LINGO2: variants seen among roughly 807,000 people sequenced by gnomAD.
LINGO2 encodes the protein leucine rich repeat and Ig domain containing 2, also known as leucine-rich repeat and immunoglobulin-like domain-containing nogo receptor-interacting protein 2.
LINGO2 carries 14 observed loss-of-function variants against 30.6 expected under a neutral mutation model. The observed-to-expected ratio is 0.46, with a 90% CI of 0.30 to 0.72. LINGO2 has a LOEUF of 0.72. Among genes scored for constraint, LINGO2 ranks in the 30% least tolerant of loss-of-function variants. LINGO2 has a pLI of 0.07. For missense variants in LINGO2, 729 were observed against 751.7 expected, an observed-to-expected ratio of 0.97 and a Z score of 0.35; for synonymous variants, 317 against 288.5, an observed-to-expected ratio of 1.10 and a Z score of -1.00.
At chr9:28,401,719 C>T (rs1329244408) in intron 2 of LINGO2, among the ~76,000 whole-genome samples, 1 of 152,118 alleles carries the variant, frequency 6.6e-6, no homozygotes, top group Non-Finnish European at 1.5e-5. Flanking sequence ...ATACTGTCTT[C>T]CACAATGGTT....
the LINGO2 span, among the ~76,000 whole-genome samples, chr9:29,077,236 T>G: frequency 6.6e-6 from 1 of 151,512 alleles, no homozygotes; most frequent in Non-Finnish European, 1.5e-5. Flanking sequence ...TAAATTGACT[T>G]CATGATTACA....
the LINGO2 span, among the ~76,000 whole-genome samples, chr9:28,850,203 G>A: frequency 9.9e-5 from 15 of 152,078 alleles, no homozygotes; most frequent in South Asian, 6.2e-4. Context: ...ACAGTAGTAA[G>A]CCAGGCAGAA....
the LINGO2 span, among the ~76,000 whole-genome samples, chr9:29,199,079 G>A: frequency 5.3e-5 from 8 of 152,068 alleles, no homozygotes; most frequent in Non-Finnish European, 1.0e-4. Context: ...GGGCCTGTGG[G>A]AGGCAGAAGC....
At chr9:28,847,115 T>G in the LINGO2 span, among the ~76,000 whole-genome samples, 1 of 145,356 alleles carries the variant, frequency 6.9e-6, no homozygotes, top group Non-Finnish European at 1.5e-5. Flanking sequence ...TATAATTCTC[T>G]CAATCAGAGG....
At chr9:28,436,152 T>C (rs571001143) in intron 2 of LINGO2, among the ~76,000 whole-genome samples, 1 of 152,284 alleles carries the variant, frequency 6.6e-6, no homozygotes, top group East Asian at 1.9e-4. Flanking sequence ...CAACCTGTAA[T>C]TGCAAGGACT....
the LINGO2 span, among the ~76,000 whole-genome samples, chr9:28,713,372 GCTGA>G: frequency 1.3e-5 from 2 of 152,106 alleles, no homozygotes; most frequent in Non-Finnish European, 2.9e-5. Context: ...TAGTCATGAA[GCTGA>G]CTGTCTCTTC....
At chr9:28,648,713 T>C (rs909137056) in intron 1 of LINGO2, among the ~76,000 whole-genome samples, 1 of 152,128 alleles carries the variant, frequency 6.6e-6, no homozygotes, top group South Asian at 2.1e-4. Flanking sequence ...GTACTCTTAG[T>C]CTAATGCTAT....
At chr9:28,446,455 T>C (rs1824428147) in intron 2 of LINGO2, among the ~76,000 whole-genome samples, 1 of 152,232 alleles carries the variant, frequency 6.6e-6, no homozygotes, top group Non-Finnish European at 1.5e-5. Context: ...TATTAGCTAT[T>C]TGTCCTTGGG....
chr9:28,729,391 T>C, the LINGO2 span, among the ~76,000 whole-genome samples: 1 of 151,824 alleles, frequency 6.6e-6, no homozygotes, highest in African/African-American at 2.4e-5. Context: ...TTTTCTTACA[T>C]GAAAGATAGA....
At chr9:28,739,052 TA>T in the LINGO2 span, among the ~76,000 whole-genome samples, 1 of 151,964 alleles carries the variant, frequency 6.6e-6, no homozygotes, top group Non-Finnish European at 1.5e-5. Context: ...ATGGTGGTTT[TA>T]AAAAATGATG....
At chr9:28,295,403 A>C (rs918871941) in intron 3 of LINGO2, 37 bp from the exon 6 acceptor site, 100 of 152,720 alleles carry the variant, frequency 6.5e-4, no homozygotes, top group African/African-American at 2.4e-3. Context: ...TTTAATTGAA[A>C]AATAGTGAAC....
chr9:28,495,436 G>T (rs1819573416), intron 1 of LINGO2, among the ~76,000 whole-genome samples: 1 of 152,100 alleles, frequency 6.6e-6, no homozygotes, highest in Non-Finnish European at 1.5e-5. Context: ...TCTACATATG[G>T]CTAGCCAGTT....
chr9:28,368,256 T>G (rs1042244342), intron 3 of LINGO2, among the ~76,000 whole-genome samples: 2 of 152,196 alleles, frequency 1.3e-5, no homozygotes, highest in Non-Finnish European at 2.9e-5. Flanking sequence ...CTTCTGTTTA[T>G]TGCAGAACCT....
At chr9:29,019,753 A>C in the LINGO2 span, among the ~76,000 whole-genome samples, 1 of 152,112 alleles carries the variant, frequency 6.6e-6, no homozygotes, top group Non-Finnish European at 1.5e-5. Context: ...TCTGGAATAC[A>C]AGAAAATATT....
upstream of LINGO2, among the ~76,000 whole-genome samples, chr9:28,670,766 G>A (rs1308182804): frequency 3.9e-5 from 6 of 151,994 alleles, no homozygotes; most frequent in Non-Finnish European, 8.8e-5. Flanking sequence ...GGAAATGATG[G>A]TTATCCATCT....
the LINGO2 span, among the ~76,000 whole-genome samples, chr9:29,085,498 G>T: frequency 6.6e-6 from 1 of 151,496 alleles, no homozygotes; most frequent in African/African-American, 2.4e-5. Context: ...CCAATTATTC[G>T]AAAAGAAAAA....
chr9:28,441,150 G>T (rs929837925), intron 2 of LINGO2, among the ~76,000 whole-genome samples: 2 of 150,074 alleles, frequency 1.3e-5, no homozygotes, highest in Non-Finnish European at 3.0e-5. Flanking sequence ...ACCAGTTGCT[G>T]AGGCACCTTG....
chr9:28,921,434 G>A, the LINGO2 span, among the ~76,000 whole-genome samples: 1 of 152,148 alleles, frequency 6.6e-6, no homozygotes, highest in African/African-American at 2.4e-5. Context: ...ACTGAGACAG[G>A]TAGGTCATCC....
the LINGO2 span, chr9:28,888,888 T>A: frequency 3.7e-6 from 2 of 534,148 alleles, no homozygotes; most frequent in African/African-American, 1.9e-5. Flanking sequence ...TTTGTGGGTG[T>A]TCCCGGGAAC....
Sources: gnomAD v4.1 joint callset for allele counts (sites outside exome capture counted in the v4.1 genomes callset) on GRCh38, gnomAD v4.1.1 for gene constraint, MANE v1.5 for transcripts, NCBI Gene and HGNC (gene_info 2026-07-23, HGNC 2026-07-21) for gene names.